Variants in CTNNBL1 observed in about 807,000 individuals in gnomAD.
CTNNBL1 encodes beta-catenin-like protein 1.
In CTNNBL1, 31 loss-of-function variants were observed where a neutral mutation model predicts 72.7. The observed-to-expected ratio is 0.43, with a 90% confidence interval of 0.32 to 0.58. CTNNBL1 has a LOEUF of 0.58. Among genes scored for constraint, CTNNBL1 ranks in the 20% least tolerant of loss-of-function variants. The probability of loss-of-function intolerance (pLI) is 0.08; values close to 1 mark genes in which losing one functional copy is unlikely to be tolerated. For missense variants in CTNNBL1, 534 were observed against 725.1 expected (o/e 0.74, Z 3.03); for synonymous variants, 240 against 267.3 (o/e 0.90, Z 1.00).
At position 37,846,961 on chromosome 20, in the gene CTNNBL1, C is replaced by T. The variant is rs1008697813; in HGVS notation, c.1392+4542C>T. ...TGGGACTGTAATCTCTCTTGTTCAT[C>T]GTTTTCTCAGGACAGCGTGCCTCAC... On this transcript the variant is annotated intron_variant, in intron 13 of 15. Coordinates refer to ENST00000361383, the MANE Select transcript of CTNNBL1 (RefSeq NM_030877.5). 5.3e-5 allele frequency among the ~76,000 whole-genome samples: 8 copies of T among 152,156 alleles called. No individual in the cohort carries two copies. The East Asian group carries it at 1.3e-3, about 26-fold the overall frequency.
At chr20:37,812,679 C>T (rs574236304) in intron 11 of CTNNBL1, among the ~76,000 whole-genome samples, 4 of 152,210 alleles carry the variant, frequency 2.6e-5, no homozygotes, top group Admixed American at 2.6e-4. Flanking sequence ...TGCTTTGTGT[C>T]AGGCTTGGTG....
chr20:37,812,931 C>G (rs1005534899), intron 11 of CTNNBL1, among the ~76,000 whole-genome samples: 1 of 151,274 alleles, frequency 6.6e-6, no homozygotes, highest in African/African-American at 2.5e-5. Flanking sequence ...TAGAAACAGC[C>G]CCCCCCAGGA....
intron 1 of CTNNBL1, among the ~76,000 whole-genome samples, chr20:37,698,398 G>C (rs1016948921): frequency 3.3e-5 from 5 of 152,150 alleles, no homozygotes; most frequent in African/African-American, 1.2e-4. Flanking sequence ...CACCCGTTAG[G>C]CACCAAAAAC....
chr20:37,765,406 C>G (rs2073458132), intron 6 of CTNNBL1, 116 bp downstream of exon 6: 1 of 664,068 alleles, frequency 1.5e-6, no homozygotes, highest in South Asian at 1.9e-5. Context: ...TTCCTTCCTT[C>G]TGCTCCCAAA....
intron 3 of CTNNBL1, among the ~76,000 whole-genome samples, chr20:37,740,901 A>G (rs904677703): frequency 6.6e-6 from 1 of 152,152 alleles, no homozygotes; most frequent in African/African-American, 2.4e-5. Flanking sequence ...CTAGGACTAC[A>G]CTTTGAGAAC....
At chr20:37,860,854 T>C (rs1397425475) in intron 15 of CTNNBL1, among the ~76,000 whole-genome samples, 1 of 152,100 alleles carries the variant, frequency 6.6e-6, no homozygotes, top group African/African-American at 2.4e-5. Flanking sequence ...CTGTTTTATT[T>C]AGTTATTGTT....
intron 9 of CTNNBL1, among the ~76,000 whole-genome samples, chr20:37,778,290 A>G (rs901574763): frequency 2.0e-5 from 3 of 152,174 alleles, no homozygotes; most frequent in Non-Finnish European, 4.4e-5. Flanking sequence ...TCCTCTTACA[A>G]GTTTTAGCTG....
At chr20:37,727,319 C>T (rs372646651) in intron 1 of CTNNBL1, 10 of 983,096 alleles carry the variant, frequency 1.0e-5, no homozygotes, top group Non-Finnish European at 1.2e-5. Context: ...GATGGAGACA[C>T]GCACACACAC....
intron 13 of CTNNBL1, among the ~76,000 whole-genome samples, chr20:37,854,267 G>C (rs1184062398): frequency 2.6e-5 from 4 of 152,148 alleles, no homozygotes; most frequent in Non-Finnish European, 5.9e-5. Context: ...AGATGATGGA[G>C]AAAAGTATGA....
chr20:37,835,753 C>T (rs2072248109), intron 11 of CTNNBL1, among the ~76,000 whole-genome samples: 1 of 152,142 alleles, frequency 6.6e-6, no homozygotes, highest in South Asian at 2.1e-4. Flanking sequence ...TGGAAACTAC[C>T]TAAAATACCC....
At chr20:37,823,027 A>G (rs1327910657) in intron 11 of CTNNBL1, among the ~76,000 whole-genome samples, 2 of 152,206 alleles carry the variant, frequency 1.3e-5, no homozygotes, top group African/African-American at 4.8e-5. Context: ...TACTTAATAT[A>G]TTTGCCAATA....
intron 3 of CTNNBL1, among the ~76,000 whole-genome samples, chr20:37,745,874 A>G (rs1251969162): frequency 6.6e-6 from 1 of 152,200 alleles, no homozygotes; most frequent in Non-Finnish European, 1.5e-5. Flanking sequence ...TGAAAGGTTC[A>G]GGTATAGAAA....
chr20:37,724,446 A>G (rs1038831333), intron 1 of CTNNBL1, among the ~76,000 whole-genome samples: 1 of 152,216 alleles, frequency 6.6e-6, no homozygotes, highest in Non-Finnish European at 1.5e-5. Flanking sequence ...ATTAGGAACC[A>G]TGGAAGGAGA....
At chr20:37,721,953 C>T (rs575470892) in intron 1 of CTNNBL1, among the ~76,000 whole-genome samples, 11 of 152,344 alleles carry the variant, frequency 7.2e-5, no homozygotes, top group Admixed American at 2.0e-4. Flanking sequence ...TTATTCTCCT[C>T]TGTCAGCAAG....
At chr20:37,824,073 TA>T (rs1195875590) in intron 11 of CTNNBL1, among the ~76,000 whole-genome samples, 2 of 152,352 alleles carry the variant, frequency 1.3e-5, no homozygotes, top group Non-Finnish European at 2.9e-5. Context: ...AAAGTCAGTT[TA>T]AATTACTTTA....
chr20:37,865,061 G>C (rs1406670140), intron 15 of CTNNBL1, among the ~76,000 whole-genome samples: 2 of 152,144 alleles, frequency 1.3e-5, no homozygotes, highest in African/African-American at 2.4e-5. Context: ...CAGCGGTAAG[G>C]AATGTGCCAA....
chr20:37,785,009 A>C (rs1311206933), intron 10 of CTNNBL1, among the ~76,000 whole-genome samples: 1 of 152,160 alleles, frequency 6.6e-6, no homozygotes, highest in Non-Finnish European at 1.5e-5. Flanking sequence ...CACTAGATAT[A>C]CTATTCTAGG....
At chr20:37,765,339 T>G in intron 6 of CTNNBL1, 49 bp downstream of exon 6, 4 of 1,199,034 alleles carry the variant, frequency 3.3e-6, no homozygotes, top group Non-Finnish European at 4.8e-6. Flanking sequence ...GTGTTTGTTT[T>G]GGGACTCTGT....
chr20:37,855,974 T>A (rs1024862929), intron 13 of CTNNBL1, among the ~76,000 whole-genome samples: 1 of 152,144 alleles, frequency 6.6e-6, no homozygotes, highest in African/African-American at 2.4e-5. Context: ...CAGCGCCTCA[T>A]GCCTGTAATC....
Sources: allele counts gnomAD v4.1 joint callset (sites outside exome capture counted in the v4.1 genomes callset), GRCh38; gene constraint gnomAD v4.1.1; transcripts MANE v1.5; gene names NCBI Gene and HGNC (gene_info 2026-07-23, HGNC 2026-07-21).